EFNA5: variants seen among roughly 807,000 people sequenced by gnomAD.
EFNA5 encodes ephrin-A5.
A neutral mutation model predicts 22.9 loss-of-function variants in EFNA5; 5 were observed. The ratio of observed to expected loss-of-function variants is 0.22; its 90% CI spans 0.11 to 0.46. The LOEUF (loss-of-function observed/expected upper bound fraction) is 0.46. Ranked by LOEUF, EFNA5 falls within the 20% of genes least tolerant of loss-of-function variation. The pLI, the probability that EFNA5 is intolerant of heterozygous loss-of-function variation, is 0.99. For missense variants in EFNA5, 237 were observed against 293.3 expected (o/e 0.81, Z 1.40); for synonymous variants, 113 against 112.2 (o/e 1.01, Z -0.04).
At chr5:107,474,287 G>A (rs752595021) in intron 1 of EFNA5, among the ~76,000 whole-genome samples, 2 of 152,120 alleles carry the variant, frequency 1.3e-5, no homozygotes, top group Admixed American at 6.5e-5. Context: ...GGTACCTGCC[G>A]GCTGCATTAG....
At chr5:107,561,420 GT>G (rs1748540915) in intron 1 of EFNA5, among the ~76,000 whole-genome samples, 1 of 152,100 alleles carries the variant, frequency 6.6e-6, no homozygotes, top group South Asian at 2.1e-4. Context: ...CCAGGCTGGA[GT>G]GCAATGGCGC....
intron 1 of EFNA5, among the ~76,000 whole-genome samples, chr5:107,450,079 C>CA (rs1580459076): frequency 6.6e-6 from 1 of 152,010 alleles, no homozygotes; most frequent in Non-Finnish European, 1.5e-5. Flanking sequence ...TTATTTTTGC[C>CA]AAAAAATTTG....
intron 1 of EFNA5, among the ~76,000 whole-genome samples, chr5:107,513,055 G>A (rs1181137233): frequency 6.6e-6 from 1 of 152,156 alleles, no homozygotes; most frequent in East Asian, 1.9e-4. Context: ...ATGGACTCAG[G>A]GATGGGGCTA....
At chr5:107,387,664 C>A (rs369964187) in intron 3 of EFNA5, 42 bp downstream of exon 3, 25 of 1,444,148 alleles carry the variant, frequency 1.7e-5, no homozygotes, top group Non-Finnish European at 2.4e-5. Context: ...ATAAAGCATG[C>A]GCGGTGAAGC....
intron 2 of EFNA5, among the ~76,000 whole-genome samples, chr5:107,406,389 C>T (rs1469023093): frequency 6.6e-6 from 1 of 152,026 alleles, no homozygotes; most frequent in Non-Finnish European, 1.5e-5. Context: ...CTTCTTGGTG[C>T]TTCTCCAGGC....
chr5:107,569,559 T>TTTTATATATATATA (rs1313796140), intron 1 of EFNA5, among the ~76,000 whole-genome samples: 2 of 42,530 alleles, frequency 4.7e-5, no homozygotes, highest in Non-Finnish European at 8.7e-5. Flanking sequence ...ATATATATAT[T>TTTTATATATATATA]TATATATATA....
intron 1 of EFNA5, among the ~76,000 whole-genome samples, chr5:107,494,915 A>C (rs1746932273): frequency 6.6e-6 from 1 of 152,078 alleles, no homozygotes; most frequent in African/African-American, 2.4e-5. Flanking sequence ...GGGGCCTTGG[A>C]GAACCTTTGT....
chr5:107,555,350 C>T (rs144677618), intron 1 of EFNA5, among the ~76,000 whole-genome samples: 9 of 152,280 alleles, frequency 5.9e-5, no homozygotes, highest in African/African-American at 2.2e-4. Flanking sequence ...GTGCAGCTAC[C>T]CATGTTCAAC....
intron 1 of EFNA5, among the ~76,000 whole-genome samples, chr5:107,513,554 TG>T (rs1425722839): frequency 1.3e-5 from 2 of 152,086 alleles, no homozygotes; most frequent in Admixed American, 1.3e-4. Flanking sequence ...ACTACCTGAA[TG>T]GCCCCAGCAG....
rs186600040 is a variant in EFNA5 at position 107,647,400 on chromosome 5, A to C, written c.125+23089T>G. ...ATCATAGCCCCATAACTGGCATTGC[A>C]ATTATAATGAGCTCTTATTTTATGA... On this transcript the variant is annotated intron_variant, in intron 1 of 4. Coordinates refer to ENST00000333274, the MANE Select transcript of EFNA5 (RefSeq NM_001962.3). Among the ~76,000 whole-genome samples the C allele has an allele frequency of 1.2e-4, 19 of 152,314 alleles. No individual in the cohort carries two copies. The East Asian group carries it at 2.1e-3, about 17-fold the overall frequency.
intron 1 of EFNA5, among the ~76,000 whole-genome samples, chr5:107,476,765 G>A (rs916381848): frequency 9.1e-6 from 1 of 109,862 alleles, no homozygotes; most frequent in Non-Finnish European, 2.0e-5. Context: ...CTCTCTCACA[G>A]GAACATCCAA....
intron 1 of EFNA5, among the ~76,000 whole-genome samples, chr5:107,576,012 G>A (rs894509485): frequency 6.6e-6 from 1 of 152,160 alleles, no homozygotes; most frequent in African/African-American, 2.4e-5. Context: ...GAAATGCCAG[G>A]CAAACAGTAA....
intron 1 of EFNA5, among the ~76,000 whole-genome samples, chr5:107,634,572 G>T (rs1750333028): frequency 7.4e-6 from 1 of 135,370 alleles, no homozygotes; most frequent in South Asian, 2.3e-4. Flanking sequence ...AAAACTTCCA[G>T]GAAAACAGGT....
intron 1 of EFNA5, among the ~76,000 whole-genome samples, chr5:107,535,626 C>T (rs180964225): frequency 2.0e-5 from 3 of 151,880 alleles, no homozygotes; most frequent in Non-Finnish European, 4.4e-5. Flanking sequence ...AATATAGAGC[C>T]CTCTAACTGC....
At chr5:107,600,526 C>G (rs1341914289) in intron 1 of EFNA5, among the ~76,000 whole-genome samples, 1 of 151,520 alleles carries the variant, frequency 6.6e-6, no homozygotes, top group Non-Finnish European at 1.5e-5. Flanking sequence ...TCACTCTGTC[C>G]CCAAGGCTGG....
chr5:107,521,418 T>C (rs1747592925), intron 1 of EFNA5, among the ~76,000 whole-genome samples: 1 of 150,730 alleles, frequency 6.6e-6, no homozygotes, highest in Admixed American at 6.6e-5. Context: ...TCAGCCTCCT[T>C]AGTAGCTGGG....
At chr5:107,657,076 A>G (rs1378840560) in intron 1 of EFNA5, among the ~76,000 whole-genome samples, 1 of 152,174 alleles carries the variant, frequency 6.6e-6, no homozygotes, top group Non-Finnish European at 1.5e-5. Context: ...AGTATATGGA[A>G]GAACTTGGTT....
rs757106205 is a variant in EFNA5 at position 107,381,339 on chromosome 5, G to A, written c.603C>T (p.Gly201=). ...TCCTTGGTGTTTGTGCCGCGTTCTC[G>A]CCGCGGGATGGCTCGGCTGACTCAT... The part of the protein sequence containing the change: ...TVHESAEPSR[G]ENAAQTPRIP... Residue 201 remains glycine, a synonymous_variant, in exon 5 of 5, where the codon GGC becomes GGT. Transcript: ENST00000333274. 6.8e-6 allele frequency: 11 copies of A among 1,613,944 alleles called. No homozygotes were observed. The highest frequency in any genetic ancestry group is 1.3e-5 in the African/African-American group (1 of 75,020).
At chr5:107,492,099 TG>T (rs1451912595) in intron 1 of EFNA5, among the ~76,000 whole-genome samples, 15 of 152,340 alleles carry the variant, frequency 9.8e-5, no homozygotes, top group Admixed American at 9.8e-4. Context: ...CCTCCCAAAG[TG>T]CTGGAATTAC....
Sources: allele counts gnomAD v4.1 joint callset (sites outside exome capture counted in the v4.1 genomes callset), GRCh38; gene constraint gnomAD v4.1.1; transcripts MANE v1.5; gene names NCBI Gene and HGNC (gene_info 2026-07-23, HGNC 2026-07-21).